Variants in EHBP1 observed in about 807,000 individuals in gnomAD.
The protein encoded by EHBP1 is EH domain-binding protein 1.
Under a neutral mutation model 144.0 loss-of-function variants are expected in EHBP1, and 55 were observed. The observed-to-expected ratio is 0.38, with a 90% CI of 0.31 to 0.48. The LOEUF is 0.48. EHBP1 is among the 20% of genes least tolerant of loss of function. EHBP1 has a pLI of 0.98. For synonymous variants in EHBP1, 469 were observed against 472.7 expected, an observed-to-expected ratio of 0.99 and a Z score of 0.10; for missense variants, 1,200 against 1,364.2, an observed-to-expected ratio of 0.88 and a Z score of 1.90.
chr2:62,857,515 G>A (rs1038613951), intron 7 of EHBP1, among the ~76,000 whole-genome samples: 2 of 152,122 alleles, frequency 1.3e-5, no homozygotes, highest in Admixed American at 1.3e-4. Context: ...TACTTTTAAT[G>A]TCAAATTTAC....
At chr2:62,725,913 GT>G (rs1465168499) in intron 2 of EHBP1, among the ~76,000 whole-genome samples, 1 of 152,088 alleles carries the variant, frequency 6.6e-6, no homozygotes, top group African/African-American at 2.4e-5. Flanking sequence ...GTCAAGCACT[GT>G]TGCTAGCATA....
intron 14 of EHBP1, among the ~76,000 whole-genome samples, chr2:62,961,290 T>C (rs755270243): frequency 3.9e-5 from 6 of 152,252 alleles, no homozygotes; most frequent in Non-Finnish European, 8.8e-5. Context: ...AAACTACTTA[T>C]TGCCTTTCAA....
At chr2:62,798,674 T>TA (rs1357900997) in intron 5 of EHBP1, among the ~76,000 whole-genome samples, 2 of 152,156 alleles carry the variant, frequency 1.3e-5, no homozygotes, top group Non-Finnish European at 1.5e-5. Context: ...GTGTTTTTTT[T>TA]ATCTGACTTA....
chr2:62,815,077 G>T (rs1245839229), intron 5 of EHBP1, among the ~76,000 whole-genome samples: 3 of 152,078 alleles, frequency 2.0e-5, no homozygotes, highest in African/African-American at 4.8e-5. Flanking sequence ...AGAAGATAAG[G>T]GTTCATCATA....
chr2:62,764,098 G>T (rs1179054384), intron 3 of EHBP1, among the ~76,000 whole-genome samples, 168 bp from the exon 4 acceptor site: 1 of 151,966 alleles, frequency 6.6e-6, no homozygotes, highest in Non-Finnish European at 1.5e-5. Flanking sequence ...AGTTTTATTT[G>T]ATTAAGCATT....
At chr2:62,707,985 T>G (rs1041739453) in intron 2 of EHBP1, among the ~76,000 whole-genome samples, 3 of 152,218 alleles carry the variant, frequency 2.0e-5, no homozygotes, top group Non-Finnish European at 4.4e-5. Context: ...TTGCCCTGAA[T>G]GATAAACAAC....
intron 7 of EHBP1, chr2:62,858,398 G>C: frequency 6.3e-7 from 1 of 1,583,458 alleles, no homozygotes; most frequent in South Asian, 1.2e-5. Context: ...ACTGGCTTCT[G>C]TTTACAGAAA....
chr2:62,893,864 T>C (rs1164753535), intron 10 of EHBP1, among the ~76,000 whole-genome samples: 1 of 151,972 alleles, frequency 6.6e-6, no homozygotes, highest in African/African-American at 2.4e-5. Flanking sequence ...GCCAACATGG[T>C]GAAGCCCTGT....
chr2:62,831,924 CAT>C (rs1166580974), intron 7 of EHBP1, among the ~76,000 whole-genome samples: 1 of 152,148 alleles, frequency 6.6e-6, no homozygotes, highest in Admixed American at 6.5e-5. Flanking sequence ...CTCTTGCTAT[CAT>C]GTGGGGGATT....
chr2:62,759,462 G>A (rs1265133357), intron 3 of EHBP1, among the ~76,000 whole-genome samples: 1 of 152,084 alleles, frequency 6.6e-6, no homozygotes, highest in Non-Finnish European at 1.5e-5. Context: ...CTGGAGTGCA[G>A]TGGCGTGATC....
At chr2:62,944,844 G>A (rs2056972751) in intron 12 of EHBP1, among the ~76,000 whole-genome samples, 1 of 152,156 alleles carries the variant, frequency 6.6e-6, no homozygotes, top group African/African-American at 2.4e-5. Context: ...CACACAGTAG[G>A]CACTGAATGC....
rs1186037587 is a variant in EHBP1, at chr2:62,766,879, G to A, written c.258+2518G>A. ...CAAGGACAACTGTCTTTGAATCCATGTAACATCTCTACAATCCCTTATATA... is the reference window on the plus strand; with the variant it reads ...CAAGGACAACTGTCTTTGAATCCATATAACATCTCTACAATCCCTTATATA... On this transcript the variant is annotated intron_variant, in intron 4 of 22. Coordinates refer to ENST00000431489, the MANE Select transcript of EHBP1 (RefSeq NM_001142616.3). 4.8e-5 allele frequency among the ~76,000 whole-genome samples: 7 copies of A among 144,902 alleles called. No homozygotes were observed. The Admixed American group carries it at 4.9e-4, about 10-fold the overall frequency.
At chr2:62,679,804 C>G (rs950021447) in intron 1 of EHBP1, among the ~76,000 whole-genome samples, 2 of 152,178 alleles carry the variant, frequency 1.3e-5, no homozygotes, top group African/African-American at 4.8e-5. Context: ...AAGGTTAAAT[C>G]CCAAACCATC....
At chr2:62,868,487 A>G (rs942137307) in intron 9 of EHBP1, among the ~76,000 whole-genome samples, 2 of 152,214 alleles carry the variant, frequency 1.3e-5, no homozygotes, top group Non-Finnish European at 2.9e-5. Context: ...AAAGGATAAA[A>G]CAAAAAATGG....
chr2:62,978,440 A>G (rs2058813611), intron 14 of EHBP1, among the ~76,000 whole-genome samples: 2 of 152,002 alleles, frequency 1.3e-5, no homozygotes, highest in South Asian at 4.1e-4. Flanking sequence ...TGACCTTGTG[A>G]TCCATCCGCT....
At chr2:62,732,316 A>G (rs2037683050) in intron 2 of EHBP1, among the ~76,000 whole-genome samples, 1 of 152,082 alleles carries the variant, frequency 6.6e-6, no homozygotes, top group South Asian at 2.1e-4. Context: ...GTTGCTTCAA[A>G]TATTTCTTCT....
intron 10 of EHBP1, among the ~76,000 whole-genome samples, chr2:62,893,131 C>A (rs1259670723): frequency 1.3e-5 from 2 of 152,114 alleles, no homozygotes. Flanking sequence ...TACCCTAATT[C>A]CTAAAATGTC....
Position 62,860,352 on chromosome 2 carries a change from A to G in EHBP1, c.757+1061A>G, listed in dbSNP as rs773297323. On this transcript the variant is annotated intron_variant, in intron 8 of 22. Transcript: ENST00000431489. ...TAAAAATATAAAAAGTTAGCTGAGC[A>G]TGGTGGTGCATGCATGTAATCCCAG... Among the ~76,000 whole-genome samples, 4 of 152,238 alleles carry G rather than the reference A, an allele frequency of 2.6e-5. No individual in the cohort carries two copies. In the South Asian group the frequency reaches 8.3e-4, roughly 32 times the overall value.
chr2:62,945,413 A>T (rs1187941451), intron 12 of EHBP1, among the ~76,000 whole-genome samples: 1 of 152,228 alleles, frequency 6.6e-6, no homozygotes, highest in Non-Finnish European at 1.5e-5. Context: ...TAAATTAAAT[A>T]ATTAAAATTA....
Sources: allele counts gnomAD v4.1 joint callset (sites outside exome capture counted in the v4.1 genomes callset), GRCh38; gene constraint gnomAD v4.1.1; transcripts MANE v1.5; gene names NCBI Gene and HGNC (gene_info 2026-07-23, HGNC 2026-07-21).